The following USP26 variants were observed in gnomAD, a reference collection of about 807,000 sequenced individuals.
USP26 encodes the protein ubiquitin specific peptidase 26.
For missense variants in USP26, 649 were observed against 642.3 expected, an observed-to-expected ratio of 1.01 and a Z score of -0.11; for synonymous variants, 236 against 240.6, an observed-to-expected ratio of 0.98 and a Z score of 0.18.
intron 5 of USP26, among the ~76,000 whole-genome samples, chrX:133,045,705 A>G (rs1281945718): frequency 2.7e-5 from 3 of 111,566 alleles, no homozygotes; most frequent in Non-Finnish European, 5.6e-5. Context: ...CAAACCCACC[A>G]GAAGGAAGAA....
At chrX:133,044,346 C>A (rs145119409) in intron 5 of USP26, among the ~76,000 whole-genome samples, 1 of 113,115 alleles carries the variant, frequency 8.8e-6, no homozygotes, top group South Asian at 3.6e-4. Context: ...AGGCCAGAGC[C>A]GGCTCCCTCA....
At chrX:133,095,120 G>GAAAGAAAAGA (rs886159042) in intron 1 of USP26, among the ~76,000 whole-genome samples, 7 of 99,762 alleles carry the variant, frequency 7.0e-5, no homozygotes, top group Admixed American at 3.3e-4. Context: ...AAGAAAGAAA[G>GAAAGAAAAGA]AAAGAAAAGA....
At chrX:133,038,232 G>T (rs761454303) in intron 5 of USP26, among the ~76,000 whole-genome samples, 1 of 111,409 alleles carries the variant, frequency 9.0e-6, no homozygotes, top group South Asian at 3.8e-4. Flanking sequence ...GGGCATCCTT[G>T]TCTTCTGCTG....
rs1230608859 is a variant in USP26, at chrX:133,026,601, G to A, written c.1620C>T (p.Ile540=). The A allele has an allele frequency of 1.7e-6, 2 of 1,208,037 alleles. No individual in the cohort carries two copies. The highest frequency in any genetic ancestry group is 2.2e-6 in the Non-Finnish European group (2 of 893,824). ...AAGACACCTTTAAATATTTGGAAAT[G>A]ATGACTTCCTGGTCATTCTTCTTTA... is the stretch of plus-strand genomic sequence containing the variant. The part of the protein sequence containing the change: ...CALKKNDQEV[I]ISKYLKVSSH... The change falls in exon 6 of 6, where the codon ATC becomes ATT. Residue 540 remains isoleucine (I), a synonymous_variant. Coordinates refer to ENST00000511190, the MANE Select transcript of USP26 (RefSeq NM_031907.3).
chrX:133,093,539 G>GA (rs2067615132), intron 1 of USP26, among the ~76,000 whole-genome samples: 1 of 110,117 alleles, frequency 9.1e-6, no homozygotes, highest in African/African-American at 3.3e-5. Context: ...GGCTGAGGTG[G>GA]AAGGATTGCT....
chrX:133,043,055 A>G (rs2067425355), intron 5 of USP26, among the ~76,000 whole-genome samples: 3 of 112,024 alleles, frequency 2.7e-5, no homozygotes, highest in Admixed American at 1.9e-4. Context: ...AAACTGATTC[A>G]GACAATAAGT....
In USP26 at chrX:133,059,510, C is replaced by T. The variant is rs756306703; in HGVS notation, c.-77+24197G>A. ...GCACATATTAAGCACTCAACAAATG[C>T]TAATTGTTATTGTTGTTGGTGCCAT... On this transcript the variant is annotated intron_variant, in intron 5 of 5. Coordinates refer to ENST00000511190, the MANE Select transcript of USP26 (RefSeq NM_031907.3). 1.8e-5 allele frequency among the ~76,000 whole-genome samples: 2 copies of T among 111,152 alleles called. 1 individual carries two copies. The highest frequency in any genetic ancestry group is 1.9e-4 in the Admixed American group (2 of 10,322).
At chrX:133,096,058 T>C (rs1161988521) in intron 1 of USP26, among the ~76,000 whole-genome samples, 1 of 76,113 alleles carries the variant, frequency 1.3e-5, no homozygotes, top group African/African-American at 4.9e-5. Context: ...TTTTTTTTTT[T>C]TTTTTTTTTT....
At chrX:133,033,218 C>T (rs2067384199) in intron 5 of USP26, among the ~76,000 whole-genome samples, 1 of 111,806 alleles carries the variant, frequency 8.9e-6, no homozygotes, top group South Asian at 3.8e-4. Flanking sequence ...TATGTTTGGT[C>T]CCAGCTTCAG....
At chrX:133,065,047 C>G (rs1054205997) in intron 5 of USP26, among the ~76,000 whole-genome samples, 1 of 111,688 alleles carries the variant, frequency 9.0e-6, no homozygotes, top group African/African-American at 3.3e-5. Context: ...AAGGGGGTAT[C>G]ATCACTGATG....
At chrX:133,094,267 A>G (rs751001819) in intron 1 of USP26, among the ~76,000 whole-genome samples, 5 of 111,350 alleles carry the variant, frequency 4.5e-5, no homozygotes, top group East Asian at 5.7e-4. Context: ...ACTGTGGCAC[A>G]CTGCGTGGCT....
chrX:133,024,759 G>C lies in USP26; in HGVS notation c.*720C>G, dbSNP rs1187929834. Reference sequence around the variant, plus strand: ...TAAATATACAACCAAGGTAGTGTATGTAGTACAGTAGTGGTTCTCAAACTG... The same window carrying C: ...TAAATATACAACCAAGGTAGTGTATCTAGTACAGTAGTGGTTCTCAAACTG... On this transcript the variant is annotated 3_prime_UTR_variant, in exon 6 of 6. Transcript: ENST00000511190. The C allele has an allele frequency of 9.0e-6, 1 of 111,345 alleles. No individual in the cohort carries two copies. Among genetic ancestry groups the C allele is most frequent in the Non-Finnish European group, 1.9e-5 (1 of 53,157 alleles). 9.2% of individuals were successfully genotyped at this position (111,345 alleles called of 1,213,427 possible). A position where few individuals can be genotyped will look rare whatever the true frequency, so the allele number is the denominator to read the frequency against.
chrX:133,027,724 G>T lies in USP26; in HGVS notation c.497C>A (p.Thr166Lys). The change falls in exon 6 of 6, where the codon ACA becomes AAA. Residue 166 changes from threonine to lysine, a missense_variant. Physicochemically the swap from Thr to Lys is moderately conservative, Grantham distance 78. Transcript: ENST00000511190. The part of the protein sequence containing the change: ...QRMPLLTSKL[T>K]LTCGELSENQ... ...TTCTGATAACTCTCCGCAAGTAAGT[G>T]TCAATTTTGATGTAAGCAAAGGCAT... 8.3e-7 allele frequency: 1 copy of T among 1,209,304 alleles called. No individual in the cohort carries two copies. Among genetic ancestry groups the T allele is most frequent in the Non-Finnish European group, 1.1e-6 (1 of 893,692 alleles).
At chrX:133,034,254 A>G (rs1389039417) in intron 5 of USP26, among the ~76,000 whole-genome samples, 1 of 111,894 alleles carries the variant, frequency 8.9e-6, no homozygotes, top group East Asian at 2.8e-4. Context: ...GAGAGAAACC[A>G]TAAAGTTGGA....
intron 5 of USP26, among the ~76,000 whole-genome samples, chrX:133,056,084 A>G (rs1032389908): frequency 8.9e-6 from 1 of 111,947 alleles, no homozygotes; most frequent in Admixed American, 9.5e-5. Flanking sequence ...TCCACAGAAT[A>G]TAATAAGCAA....
In USP26 at chrX:133,051,104, C is replaced by A. The variant is rs1030563851; in HGVS notation, c.-76-22808G>T. ...AGGTTTGCTGACCCAAACCCCCATG[C>A]ACAGCATTTCCCTTTCCAATCCCCT... On this transcript the variant is annotated intron_variant, in intron 5 of 5. Coordinates refer to ENST00000511190, the MANE Select transcript of USP26 (RefSeq NM_031907.3). 7.2e-5 allele frequency among the ~76,000 whole-genome samples: 8 copies of A among 111,302 alleles called. No individual in the cohort carries two copies. The Admixed American group carries it at 7.7e-4, about 11-fold the overall frequency.
chrX:133,045,630 C>A (rs948847283), intron 5 of USP26, among the ~76,000 whole-genome samples: 1 of 111,281 alleles, frequency 9.0e-6, no homozygotes, highest in Non-Finnish European at 1.9e-5. Context: ...TCCAGACGGG[C>A]CGCCTTATGA....
intron 5 of USP26, among the ~76,000 whole-genome samples, chrX:133,049,153 A>G (rs2067450648): frequency 8.9e-6 from 1 of 111,915 alleles, no homozygotes; most frequent in Non-Finnish European, 1.9e-5. Context: ...AGCAATTTCT[A>G]GTGTACTTTT....
At chrX:133,056,634 C>T (rs867127614) in intron 5 of USP26, among the ~76,000 whole-genome samples, 4 of 111,475 alleles carry the variant, frequency 3.6e-5, no homozygotes, top group African/African-American at 1.3e-4. Context: ...GCTCAAAGAA[C>T]CTTGGCATAA....
Sources: allele counts gnomAD v4.1 joint callset (sites outside exome capture counted in the v4.1 genomes callset), GRCh38; gene constraint gnomAD v4.1.1; transcripts MANE v1.5; gene names NCBI Gene and HGNC (gene_info 2026-07-23, HGNC 2026-07-21).